TGFB1: variants seen among roughly 807,000 people sequenced by gnomAD.
The protein encoded by TGFB1 is transforming growth factor beta-1 proprotein.
Under a neutral mutation model 43.8 loss-of-function variants are expected in TGFB1, and 19 were observed. The ratio of observed to expected loss-of-function variants is 0.43; its 90% CI spans 0.30 to 0.64. The LOEUF (loss-of-function observed/expected upper bound fraction) is 0.64. Ranked by LOEUF, TGFB1 falls within the 30% of genes least tolerant of loss-of-function variation. The pLI is 0.11. For missense variants in TGFB1, 445 were observed against 529.8 expected (o/e 0.84, Z 1.57); for synonymous variants, 221 against 236.3 (o/e 0.94, Z 0.60).
Position 41,353,805 on chromosome 19 carries a change from C to CG in TGFB1, c.-762dup, listed in dbSNP as rs1799753. ...GCCGGCCCCGCGGGCGGCTCAGAGC[C>CG]GGGGGGGTGCCCCGGACGGGGCGTC... On this transcript the variant is annotated 5_prime_UTR_variant, in exon 1 of 7. Transcript: ENST00000221930. This position sits in a 1 kb window ranked among gnomAD's most constrained non-coding sequence, Gnocchi z 5.9. The CG allele has an allele frequency of 0.062, 9,500 of 152,246 alleles. 354 individuals carry two copies. The highest frequency in any genetic ancestry group is 0.077 in the Non-Finnish European group (5,229 of 68,210). The allele number at this position is 152,246 out of a possible 1,614,324, so 9.4% of individuals were successfully genotyped here.
At chr19:41,346,623 C>T (rs1023860477) in intron 2 of TGFB1, among the ~76,000 whole-genome samples, 1 of 152,206 alleles carries the variant, frequency 6.6e-6, no homozygotes, top group Non-Finnish European at 1.5e-5. Flanking sequence ...TCCTAAAGAA[C>T]TTTCTGGAAA....
intron 5 of TGFB1, among the ~76,000 whole-genome samples, chr19:41,338,918 G>C (rs377650593): frequency 5.9e-4 from 89 of 152,006 alleles, no homozygotes; most frequent in African/African-American, 2.0e-3. Context: ...TAATAGTTAA[G>C]TTTTTGGGGA....
chr19:41,348,168 G>T, intron 2 of TGFB1, 127 bp downstream of exon 2: 11 of 1,023,418 alleles, frequency 1.1e-5, no homozygotes, highest in Middle Eastern at 3.1e-4. Context: ...TGTATGGTTT[G>T]TGTTCTTCTA....
At chr19:41,341,113 C>T (rs1232755548) in intron 5 of TGFB1, among the ~76,000 whole-genome samples, 2 of 151,278 alleles carry the variant, frequency 1.3e-5, no homozygotes, top group African/African-American at 2.4e-5. Context: ...AGGCGGATCA[C>T]GAGGTCAGGA....
chr19:41,339,147 A>T (rs1207667558), intron 5 of TGFB1, among the ~76,000 whole-genome samples: 5 of 147,412 alleles, frequency 3.4e-5, no homozygotes, highest in African/African-American at 1.3e-4. Flanking sequence ...TTTTCCTGAG[A>T]CAAGGTCCTG....
chr19:41,343,283 C>T (rs2038079379), intron 3 of TGFB1, among the ~76,000 whole-genome samples: 1 of 151,982 alleles, frequency 6.6e-6, no homozygotes, highest in Admixed American at 6.6e-5. Flanking sequence ...TACAGGCATG[C>T]ATCACCACGC....
rs758130535 is a variant in TGFB1, at chr19:41,332,164, G to A, written c.978C>T (p.Cys326=). ...GCGTGTCCAGGCTCCAAATGTAGGG[G>A]CAGGGCCCGAGGCAGAAGTTGGCAT... ...GYHANFCLGP[C]PYIWSLDTQY... Residue 326 remains cysteine (C), a synonymous_variant, in exon 6 of 7, where the codon TGC becomes TGT. Coordinates refer to ENST00000221930, the MANE Select transcript of TGFB1 (RefSeq NM_000660.7). The A allele has an allele frequency of 6.2e-7, 1 of 1,614,136 alleles. No homozygotes were observed. The highest frequency in any genetic ancestry group is 1.1e-5 in the South Asian group (1 of 91,082).
At chr19:41,344,658 G>T in intron 3 of TGFB1, 89 bp downstream of exon 3, 1 of 1,208,776 alleles carries the variant, frequency 8.3e-7, no homozygotes, top group Non-Finnish European at 1.2e-6. Context: ...GTATGGGGCG[G>T]AGAGGGGTCC....
In TGFB1 at chr19:41,346,180, G is replaced by A. The variant is rs544285347; in HGVS notation, c.517-1316C>T. 5.9e-5 allele frequency among the ~76,000 whole-genome samples: 9 copies of A among 152,052 alleles called. No homozygotes were observed. The South Asian group carries it at 6.2e-4, about 11-fold the overall frequency. ...AGCCTGACCAATATGGAGAAACACCGTCTCTACTAAAAATACAAAATTAGC... is the reference window on the plus strand; with the variant it reads ...AGCCTGACCAATATGGAGAAACACCATCTCTACTAAAAATACAAAATTAGC... On this transcript the variant is annotated intron_variant, in intron 2 of 6. Coordinates refer to ENST00000221930, the MANE Select transcript of TGFB1 (RefSeq NM_000660.7).
At chr19:41,334,835 G>C (rs1044010098) in intron 5 of TGFB1, among the ~76,000 whole-genome samples, 2 of 151,248 alleles carry the variant, frequency 1.3e-5, no homozygotes, top group African/African-American at 4.9e-5. Flanking sequence ...TTGGACCTCA[G>C]TTTCCTCATC....
chr19:41,352,809 G>T lies in TGFB1; in HGVS notation c.236C>A (p.Ala79Asp), dbSNP rs2038226023. ...PPGPLPEAVL[A>D]LYNSTRDRVA... ...CCGGTCGCGGGTGCTGTTGTACAGGGCGAGCACGGCCTCGGGCAGCGGGCC... is the reference window on the plus strand; with the variant it reads ...CCGGTCGCGGGTGCTGTTGTACAGGTCGAGCACGGCCTCGGGCAGCGGGCC... The change falls in exon 1 of 7, where the codon GCC becomes GAC. Residue 79 changes from alanine (A) to aspartate (D), a missense_variant. Around this residue, in one of 3 missense-constraint regions of TGFB1, gnomAD observed 366 missense variants for 428.8 expected, o/e 0.85. Coordinates refer to ENST00000221930, the MANE Select transcript of TGFB1 (RefSeq NM_000660.7). The T allele has an allele frequency of 1.2e-6, 2 of 1,604,418 alleles. No individual in the cohort carries two copies. Among genetic ancestry groups the T allele is most frequent in the South Asian group, 1.1e-5 (1 of 90,084 alleles).
At chr19:41,340,474 G>T (rs1360105038) in intron 5 of TGFB1, among the ~76,000 whole-genome samples, 1 of 151,922 alleles carries the variant, frequency 6.6e-6, no homozygotes, top group Non-Finnish European at 1.5e-5. Flanking sequence ...TAGAGATGGG[G>T]TTTCACCATG....
chr19:41,331,971 TCTCCCCATCTCTTTATTCATTCCC>T, intron 6 of TGFB1, 133 bp downstream of exon 6: 1 of 1,034,468 alleles, frequency 9.7e-7, no homozygotes, highest in Non-Finnish European at 1.4e-6. Flanking sequence ...TTCCTGCCTC[TCTCCCCATCTCTTTATTCATTCCC>T]CTCCCCACCC....
intron 6 of TGFB1, among the ~76,000 whole-genome samples, chr19:41,331,717 T>C (rs545710790): frequency 6.6e-6 from 1 of 151,764 alleles, no homozygotes; most frequent in South Asian, 2.1e-4. Flanking sequence ...CCCGCCTGAT[T>C]TTCTTTCTCA....
At position 41,353,288 on chromosome 19, in the gene TGFB1, T is replaced by G; in HGVS notation, c.-244A>C. On this transcript the variant is annotated 5_prime_UTR_variant, in exon 1 of 7. Transcript: ENST00000221930. The surrounding 1 kb of genome is among the most constrained non-coding windows in gnomAD (Gnocchi z 5.9). ...GTACCAGAAGGTGGGTGGTCTTGAA[T>G]AGGGGATCTGTGGCAGGTCGGAGAG... 1 of 497,818 alleles carries G rather than the reference T, an allele frequency of 2.0e-6. No individual in the cohort carries two copies. The highest frequency in any genetic ancestry group is 3.5e-6 in the Non-Finnish European group (1 of 284,900). The allele number at this position is 497,818 out of a possible 1,614,324, so 30.8% of individuals were successfully genotyped here. A position where few individuals can be genotyped will look rare whatever the true frequency, so the allele number is the denominator to read the frequency against.
At chr19:41,335,559 G>C (rs1017411847) in intron 5 of TGFB1, among the ~76,000 whole-genome samples, 7 of 152,194 alleles carry the variant, frequency 4.6e-5, no homozygotes, top group Non-Finnish European at 8.8e-5. Flanking sequence ...GCAGGACTGG[G>C]AACAACAGTC....
chr19:41,330,947 G>C lies in TGFB1; in HGVS notation c.*105C>G, dbSNP rs1433978076. The stretch of plus-strand genomic sequence containing the variant: ...CCATCTTTAATGGGGCCCCAGGTGG[G>C]CTTGGGGCACGGGTGTCCTTAAATA... On this transcript the variant is annotated 3_prime_UTR_variant, in exon 7 of 7. Coordinates refer to ENST00000221930, the MANE Select transcript of TGFB1 (RefSeq NM_000660.7). 6 of 1,122,054 alleles carry C rather than the reference G, an allele frequency of 5.3e-6. No individual in the cohort carries two copies. In the East Asian group the frequency reaches 1.8e-4, roughly 34 times the overall value. The allele number at this position is 1,122,054 out of a possible 1,614,324, so 69.5% of individuals were successfully genotyped here. A position where few individuals can be genotyped will look rare whatever the true frequency, so the allele number is the denominator to read the frequency against.
chr19:41,332,710 CAG>C (rs2123081387), intron 5 of TGFB1, among the ~76,000 whole-genome samples: 1 of 152,256 alleles, frequency 6.6e-6, no homozygotes, highest in East Asian at 1.9e-4. Context: ...ACAAATGAAA[CAG>C]ATAGAAATAG....
At chr19:41,338,164 C>T (rs954757527) in intron 5 of TGFB1, among the ~76,000 whole-genome samples, 25 of 151,562 alleles carry the variant, frequency 1.6e-4, no homozygotes, top group Admixed American at 4.6e-4. Flanking sequence ...TGCACTCCAG[C>T]CTGGGTGACA....
Sources: allele counts gnomAD v4.1 joint callset (sites outside exome capture counted in the v4.1 genomes callset), GRCh38; gene constraint gnomAD v4.1.1; regional missense constraint gnomAD v4.1.1; non-coding constraint Gnocchi (gnomAD v3.1); transcripts MANE v1.5; gene names NCBI Gene and HGNC (gene_info 2026-07-23, HGNC 2026-07-21).